CHRNB3: variants seen among roughly 807,000 people sequenced by gnomAD.
CHRNB3 encodes the protein neuronal acetylcholine receptor subunit beta-3.
Under a neutral mutation model 40.6 loss-of-function variants are expected in CHRNB3, and 37 were observed. That is an observed-to-expected ratio of 0.91 (90% confidence interval 0.70 to 1.20). The LOEUF (loss-of-function observed/expected upper bound fraction) is 1.20. CHRNB3 is among the 50% of genes most tolerant of loss of function. The pLI is 0.00. For synonymous variants in CHRNB3, 207 were observed against 207.1 expected (o/e 1.00, Z 0.00); for missense variants, 505 against 551.2 (o/e 0.92, Z 0.84).
At chr8:42,733,769 A>C (rs910703606) in intron 5 of CHRNB3, among the ~76,000 whole-genome samples, 1 of 150,100 alleles carries the variant, frequency 6.7e-6, no homozygotes, top group Non-Finnish European at 1.5e-5. Flanking sequence ...ATTTTTCTTG[A>C]ATTTTCATTA....
intron 1 of CHRNB3, chr8:42,699,611 T>A (rs545669004): frequency 6.6e-6 from 1 of 152,006 alleles, no homozygotes; most frequent in South Asian, 2.1e-4. Flanking sequence ...ATACAAAAAA[T>A]TAGCCAGGCG....
chr8:42,718,740 C>A (rs80089020), intron 3 of CHRNB3, among the ~76,000 whole-genome samples: 8,635 of 148,022 alleles, frequency 0.058, 338 homozygotes, highest in Middle Eastern at 0.11. Flanking sequence ...TTTTAAAAAG[C>A]CTTACAATTT....
chr8:42,713,547 T>C (rs1035515110), intron 3 of CHRNB3, among the ~76,000 whole-genome samples: 3 of 152,154 alleles, frequency 2.0e-5, no homozygotes, highest in Admixed American at 6.6e-5. Flanking sequence ...GGTATAAATA[T>C]GTAAGGTACA....
Position 42,697,385 on chromosome 8 carries a change from G to A in CHRNB3, c.-162G>A, listed in dbSNP as rs546877649. 1.3e-4 allele frequency: 75 copies of A among 595,532 alleles called. No individual in the cohort carries two copies. Among genetic ancestry groups the A allele is most frequent in the African/African-American group, 8.1e-4 (44 of 54,352 alleles). The allele number at this position is 595,532 out of a possible 1,614,324, so 36.9% of individuals were successfully genotyped here. A position where few individuals can be genotyped will look rare whatever the true frequency, so the allele number is the denominator to read the frequency against. ...CACTTTGAGAAGCGGCACACTCGGC[G>A]AGAGGGGTTGAGATTGTTTTATTCC... On this transcript the variant is annotated 5_prime_UTR_variant, in exon 1 of 6. Transcript: ENST00000289957.
intron 3 of CHRNB3, chr8:42,725,942 CA>C: frequency 1.0e-6 from 1 of 977,032 alleles, no homozygotes; most frequent in Non-Finnish European, 1.6e-6. Context: ...CTCACGCCAT[CA>C]ATCCTTTCGA....
intron 1 of CHRNB3, among the ~76,000 whole-genome samples, chr8:42,702,819 A>C (rs991483185): frequency 6.6e-6 from 1 of 152,242 alleles, no homozygotes; most frequent in Non-Finnish European, 1.5e-5. Context: ...AATAACAGTA[A>C]AGCATTCTGG....
chr8:42,714,940 C>T (rs1816075360), intron 3 of CHRNB3: 1 of 152,148 alleles, frequency 6.6e-6, no homozygotes, highest in Non-Finnish European at 1.5e-5. Flanking sequence ...AATTTCCTAA[C>T]CCTGGTCTTC....
At chr8:42,702,390 C>T (rs1329408187) in intron 1 of CHRNB3, among the ~76,000 whole-genome samples, 1 of 152,180 alleles carries the variant, frequency 6.6e-6, no homozygotes, top group African/African-American at 2.4e-5. Flanking sequence ...CTGCCTCAGG[C>T]TCCCAAGTAA....
At chr8:42,724,635 T>C (rs1437827736) in intron 3 of CHRNB3, among the ~76,000 whole-genome samples, 4 of 152,088 alleles carry the variant, frequency 2.6e-5, no homozygotes, top group Non-Finnish European at 5.9e-5. Flanking sequence ...GCAGGACTCC[T>C]TCCTCCATGG....
At chr8:42,702,546 C>T (rs1408681578) in intron 1 of CHRNB3, among the ~76,000 whole-genome samples, 1 of 151,956 alleles carries the variant, frequency 6.6e-6, no homozygotes, top group African/African-American at 2.4e-5. Context: ...GGTGGGATCA[C>T]CAGGTCCAGA....
At position 42,737,113 on chromosome 8, in the gene CHRNB3, T is replaced by C. The variant is rs1816542127; in HGVS notation, c.*495T>C. Reference sequence around the variant, plus strand: ...GGGGCCGTGTTATGCTTGTTAGCAATGGGCCAGGCAAATCTCAACAAGGGT... The same window carrying C: ...GGGGCCGTGTTATGCTTGTTAGCAACGGGCCAGGCAAATCTCAACAAGGGT... On this transcript the variant is annotated 3_prime_UTR_variant, in exon 6 of 6. Transcript: ENST00000289957. 1 of 157,338 alleles carries C rather than the reference T, an allele frequency of 6.4e-6. No homozygotes were observed. Among genetic ancestry groups the C allele is most frequent in the African/African-American group, 2.4e-5 (1 of 41,380 alleles). 9.7% of individuals were successfully genotyped at this position (157,338 alleles called of 1,614,324 possible).
chr8:42,708,740 G>A lies in CHRNB3; in HGVS notation c.76G>A (p.Ala26Thr), dbSNP rs772048753. ...AGCCACCACAGGTTTCAACTCAATC[G>A]CCGAAAATGAAGATGCCCTCCTCAG... ...SSATTGFNSIAENEDALLRHL... is the reference protein window; with the variant it reads ...SSATTGFNSITENEDALLRHL... The change falls in exon 2 of 6, where the codon GCC becomes ACC. Residue 26 changes from alanine (A) to threonine (T), a missense_variant. By Grantham distance (58) the Ala-to-Thr change is moderately conservative (BLOSUM62 0). Coordinates refer to ENST00000289957, the MANE Select transcript of CHRNB3 (RefSeq NM_000749.5). 9 of 1,613,704 alleles carry A rather than the reference G, an allele frequency of 5.6e-6. No individual in the cohort carries two copies. The highest frequency in any genetic ancestry group is 1.6e-4 in the Middle Eastern group (1 of 6,084).
chr8:42,712,481 T>C (rs1438219061), intron 3 of CHRNB3, among the ~76,000 whole-genome samples: 1 of 152,222 alleles, frequency 6.6e-6, no homozygotes, highest in Non-Finnish European at 1.5e-5. Context: ...AGAACTATCA[T>C]GATTTTCAGT....
chr8:42,727,585 G>T (rs1320071979), intron 3 of CHRNB3, among the ~76,000 whole-genome samples: 1 of 152,070 alleles, frequency 6.6e-6, no homozygotes, highest in East Asian at 1.9e-4. Context: ...ACCCATTCCT[G>T]CACCTTTATA....
intron 1 of CHRNB3, among the ~76,000 whole-genome samples, chr8:42,703,711 C>T (rs1815868830): frequency 1.3e-5 from 2 of 152,126 alleles, no homozygotes; most frequent in Middle Eastern, 6.8e-3. Flanking sequence ...CCTCATTCCC[C>T]TGGGTCACAG....
chr8:42,734,048 C>T (rs902378378), intron 5 of CHRNB3, among the ~76,000 whole-genome samples: 2 of 150,778 alleles, frequency 1.3e-5, no homozygotes, highest in Non-Finnish European at 3.0e-5. Context: ...ACGAGGTCAA[C>T]AGATCAAGAC....
intron 5 of CHRNB3, among the ~76,000 whole-genome samples, chr8:42,735,560 C>CA (rs1187663492): frequency 6.6e-6 from 1 of 152,096 alleles, no homozygotes; most frequent in Admixed American, 6.6e-5. Flanking sequence ...CAAAACAAAA[C>CA]AAAAACCTAA....
intron 1 of CHRNB3, chr8:42,699,637 G>A (rs1815744020): frequency 6.6e-6 from 1 of 152,126 alleles, no homozygotes; most frequent in Non-Finnish European, 1.5e-5. Flanking sequence ...GCACACGCCT[G>A]TAATCCCAGC....
At chr8:42,697,855 C>A (rs1417932741) in intron 1 of CHRNB3, among the ~76,000 whole-genome samples, 2 of 151,978 alleles carry the variant, frequency 1.3e-5, no homozygotes, top group Non-Finnish European at 2.9e-5. Context: ...TCACTATGAG[C>A]TTGGTAAGAA....
Sources: gnomAD v4.1 joint callset for allele counts (sites outside exome capture counted in the v4.1 genomes callset) on GRCh38, gnomAD v4.1.1 for gene constraint, MANE v1.5 for transcripts, NCBI Gene and HGNC (gene_info 2026-07-23, HGNC 2026-07-21) for gene names.